The following GTF2F2 variants were observed in gnomAD, a reference collection of about 807,000 sequenced individuals.
GTF2F2 encodes general transcription factor IIF subunit 2.
Under a neutral mutation model 42.2 loss-of-function variants are expected in GTF2F2, and 23 were observed. That is an observed-to-expected ratio of 0.55 (90% CI 0.39 to 0.77). GTF2F2 has a LOEUF of 0.77. Among genes scored for constraint, GTF2F2 ranks in the 30% least tolerant of loss-of-function variants. The pLI, the probability that GTF2F2 is intolerant of heterozygous loss-of-function variation, is 0.00. For synonymous variants in GTF2F2, 105 were observed against 100.8 expected (o/e 1.04, Z -0.25); for missense variants, 261 against 287.2 (o/e 0.91, Z 0.66).
intron 5 of GTF2F2, among the ~76,000 whole-genome samples, chr13:45,232,971 T>G (rs890841129): frequency 2.0e-5 from 3 of 152,234 alleles, no homozygotes; most frequent in Non-Finnish European, 1.5e-5. Context: ...GATGTAAAGA[T>G]GATCACTTGA....
chr13:45,155,987 T>A (rs1870738757), intron 4 of GTF2F2, among the ~76,000 whole-genome samples: 1 of 152,198 alleles, frequency 6.6e-6, no homozygotes, highest in Non-Finnish European at 1.5e-5. Context: ...TCTTTTTTTT[T>A]TAGAGGCAGT....
At chr13:45,212,314 A>G (rs1287322226) in intron 5 of GTF2F2, among the ~76,000 whole-genome samples, 1 of 152,158 alleles carries the variant, frequency 6.6e-6, no homozygotes, top group Non-Finnish European at 1.5e-5. Flanking sequence ...TCTCTTTTAC[A>G]TAGGCATTAT....
At chr13:45,227,492 GTACCCTTTATC>G (rs1167410274) in intron 5 of GTF2F2, among the ~76,000 whole-genome samples, 1 of 152,094 alleles carries the variant, frequency 6.6e-6, no homozygotes, top group African/African-American at 2.4e-5. Context: ...ACATCAAATT[GTACCCTTTATC>G]TACAGCTTAT....
chr13:45,153,422 A>G (rs1398074779), intron 4 of GTF2F2, among the ~76,000 whole-genome samples: 1 of 152,096 alleles, frequency 6.6e-6, no homozygotes, highest in Non-Finnish European at 1.5e-5. Flanking sequence ...GGTAAATTAT[A>G]ACTCTTCAGT....
chr13:45,234,003 G>A (rs888177797), intron 5 of GTF2F2, among the ~76,000 whole-genome samples: 1 of 152,110 alleles, frequency 6.6e-6, no homozygotes, highest in African/African-American at 2.4e-5. Context: ...CAACCTCATC[G>A]TCTCCCACTA....
chr13:45,218,330 C>T (rs1347822215), intron 5 of GTF2F2, among the ~76,000 whole-genome samples: 7 of 152,096 alleles, frequency 4.6e-5, no homozygotes, highest in South Asian at 2.1e-4. Flanking sequence ...CATCTTTGTA[C>T]GTATTAGAAA....
intron 5 of GTF2F2, among the ~76,000 whole-genome samples, chr13:45,234,772 G>T (rs1874867176): frequency 6.6e-6 from 1 of 152,058 alleles, no homozygotes; most frequent in Admixed American, 6.6e-5. Flanking sequence ...TCATGCCAGT[G>T]CGGTGGCTCA....
At chr13:45,212,463 C>CTTTTCTTTTCT (rs376424917) in intron 5 of GTF2F2, among the ~76,000 whole-genome samples, 668 of 27,454 alleles carry the variant, frequency 0.024, 31 homozygotes, top group African/African-American at 0.067. Flanking sequence ...TTCTTTCTTT[C>CTTTTCTTTTCT]TTTCTTTCTT....
intron 1 of GTF2F2, among the ~76,000 whole-genome samples, chr13:45,121,478 T>C (rs1163762937): frequency 2.0e-5 from 3 of 152,270 alleles, no homozygotes; most frequent in African/African-American, 7.2e-5. Flanking sequence ...ATGCTTTAAC[T>C]GTTTTATCAC....
At chr13:45,190,231 A>G (rs910569497) in intron 4 of GTF2F2, among the ~76,000 whole-genome samples, 15 of 152,376 alleles carry the variant, frequency 9.8e-5, no homozygotes, top group Admixed American at 6.5e-4. Flanking sequence ...TTATGCAGCC[A>G]ACAGACATGT....
chr13:45,159,675 T>C (rs1870941713), intron 4 of GTF2F2, among the ~76,000 whole-genome samples: 1 of 152,198 alleles, frequency 6.6e-6, no homozygotes, highest in African/African-American at 2.4e-5. Context: ...GGTTTTGCCA[T>C]GTTGCCTAGG....
intron 4 of GTF2F2, chr13:45,193,397 A>G (rs1476297115): frequency 6.3e-6 from 1 of 159,680 alleles, no homozygotes; most frequent in Non-Finnish European, 1.4e-5. Flanking sequence ...GATTTTAAAT[A>G]TTAATAGCCC....
chr13:45,143,729 G>A (rs1870047606), intron 2 of GTF2F2, among the ~76,000 whole-genome samples: 1 of 152,116 alleles, frequency 6.6e-6, no homozygotes, highest in Admixed American at 6.5e-5. Context: ...CAGAGAGGAG[G>A]GAAAAGACGT....
chr13:45,236,164 G>A (rs971210055), intron 5 of GTF2F2, among the ~76,000 whole-genome samples: 2 of 152,050 alleles, frequency 1.3e-5, no homozygotes, highest in African/African-American at 4.8e-5. Context: ...CATCACACTG[G>A]TCTGGCCCAC....
chr13:45,131,709 C>T (rs546892306), intron 1 of GTF2F2, among the ~76,000 whole-genome samples: 1 of 151,996 alleles, frequency 6.6e-6, no homozygotes, highest in East Asian at 1.9e-4. Context: ...AGTTTGAGAC[C>T]AGGCTAGGCA....
chr13:45,136,723 T>A lies in GTF2F2; in HGVS notation c.67-10T>A, dbSNP rs115909751. 2,431 of 1,497,996 alleles carry A rather than the reference T, an allele frequency of 1.6e-3. 36 individuals carry two copies. In the African/African-American group the frequency reaches 0.027, roughly 17 times the overall value. 92.8% of individuals were successfully genotyped at this position (1,497,996 alleles called of 1,614,324 possible). On this transcript the variant is annotated splice_polypyrimidine_tract_variant and intron_variant, in intron 1 of 7. Coordinates refer to ENST00000340473, the MANE Select transcript of GTF2F2 (RefSeq NM_004128.3). ...TAAAATAGACTTATTAGTGTTTTAC[T>A]TTGTTTTAGGTTCCTAAATATTTGT...
intron 5 of GTF2F2, among the ~76,000 whole-genome samples, chr13:45,212,510 T>TCTCTTTCTC (rs1273532607): frequency 1.0e-4 from 10 of 96,336 alleles, no homozygotes; most frequent in Admixed American, 6.8e-4. Context: ...TTTCTTTCTT[T>TCTCTTTCTC]TCTTTCTTTC....
chr13:45,226,513 T>C (rs534296155), intron 5 of GTF2F2, among the ~76,000 whole-genome samples: 1 of 152,356 alleles, frequency 6.6e-6, no homozygotes, highest in East Asian at 1.9e-4. Flanking sequence ...AGAGACATAC[T>C]ATTTTGATTA....
chr13:45,156,681 T>G (rs1194149082), intron 4 of GTF2F2, among the ~76,000 whole-genome samples: 1 of 152,164 alleles, frequency 6.6e-6, no homozygotes, highest in African/African-American at 2.4e-5. Flanking sequence ...GTGAGGAAAT[T>G]GGAAGATTGA....
Sources: gnomAD v4.1 joint callset for allele counts (sites outside exome capture counted in the v4.1 genomes callset) on GRCh38, gnomAD v4.1.1 for gene constraint, MANE v1.5 for transcripts, NCBI Gene and HGNC (gene_info 2026-07-23, HGNC 2026-07-21) for gene names.